EDIL3: variants seen among roughly 807,000 people sequenced by gnomAD.
The protein encoded by EDIL3 is EGF like and discoidin domains 3, also known as EGF-like repeat and discoidin I-like domain-containing protein 3.
In EDIL3, 37 loss-of-function variants were observed where a neutral mutation model predicts 67.4. The ratio of observed to expected loss-of-function variants is 0.55; its 90% CI spans 0.42 to 0.72. The LOEUF (loss-of-function observed/expected upper bound fraction) is 0.72, where lower values mean the gene tolerates loss of function less well. Ranked by LOEUF, EDIL3 falls within the 30% of genes least tolerant of loss-of-function variation. EDIL3 has a pLI of 0.00. For missense variants in EDIL3, 527 were observed against 586.3 expected, an observed-to-expected ratio of 0.90 and a Z score of 1.04; for synonymous variants, 195 against 196.3, an observed-to-expected ratio of 0.99 and a Z score of 0.05.
chr5:83,998,296 C>T (rs941821460), intron 9 of EDIL3, among the ~76,000 whole-genome samples: 1 of 152,180 alleles, frequency 6.6e-6, no homozygotes, highest in African/African-American at 2.4e-5. Flanking sequence ...GCTCTCATTT[C>T]AGGCCCTAGC....
chr5:84,360,188 AG>A (rs1747567766), intron 1 of EDIL3, among the ~76,000 whole-genome samples: 1 of 152,172 alleles, frequency 6.6e-6, no homozygotes, highest in Non-Finnish European at 1.5e-5. Flanking sequence ...GGTTAAAGAA[AG>A]GGGAAAATTA....
intron 3 of EDIL3, among the ~76,000 whole-genome samples, chr5:84,224,599 A>T (rs562678046): frequency 2.0e-5 from 3 of 151,576 alleles, no homozygotes; most frequent in African/African-American, 7.2e-5. Context: ...GTGTTATTTG[A>T]TTTTACCTTT....
chr5:84,365,236 A>C (rs1435879544), intron 1 of EDIL3, among the ~76,000 whole-genome samples: 1 of 152,180 alleles, frequency 6.6e-6, no homozygotes, highest in East Asian at 1.9e-4. Flanking sequence ...AGAAACAACC[A>C]GCCATGAACT....
At chr5:84,278,110 G>T (rs1055009948) in intron 1 of EDIL3, among the ~76,000 whole-genome samples, 5 of 152,088 alleles carry the variant, frequency 3.3e-5, no homozygotes, top group Admixed American at 2.0e-4. Flanking sequence ...AAAGTTAGAC[G>T]CAAACAGACA....
chr5:84,145,862 T>G (rs1748283255), intron 4 of EDIL3, among the ~76,000 whole-genome samples: 1 of 152,090 alleles, frequency 6.6e-6, no homozygotes, highest in African/African-American at 2.4e-5. Context: ...AATTGTCAAT[T>G]GGATGTGATT....
intron 6 of EDIL3, among the ~76,000 whole-genome samples, chr5:84,068,242 T>A (rs1172582204): frequency 6.6e-6 from 1 of 152,210 alleles, no homozygotes; most frequent in Non-Finnish European, 1.5e-5. Context: ...ATTTTCTTTT[T>A]TTTTAATCTG....
rs1034422760 is a variant in EDIL3, at chr5:84,019,502, C to T, written c.1137+40798G>A. Among the ~76,000 whole-genome samples, 5 of 152,034 alleles carry T rather than the reference C, an allele frequency of 3.3e-5. No homozygotes were observed. The South Asian group carries it at 1.0e-3, about 32-fold the overall frequency. Reference sequence around the variant, plus strand: ...GGCACATGTATACATATGTAACAAACCTGCACGTTCTGCACATGTACCCTA... The same window carrying T: ...GGCACATGTATACATATGTAACAAATCTGCACGTTCTGCACATGTACCCTA... On this transcript the variant is annotated intron_variant, in intron 9 of 10. Transcript: ENST00000296591.
At chr5:84,134,594 T>A (rs923016484) in intron 5 of EDIL3, among the ~76,000 whole-genome samples, 3 of 152,190 alleles carry the variant, frequency 2.0e-5, no homozygotes, top group Non-Finnish European at 2.9e-5. Flanking sequence ...TGTGCAAAAC[T>A]AAATCATTAC....
chr5:84,153,375 C>T (rs1748432836), intron 4 of EDIL3, among the ~76,000 whole-genome samples: 1 of 152,156 alleles, frequency 6.6e-6, no homozygotes, highest in South Asian at 2.1e-4. Flanking sequence ...CGGCTCATTG[C>T]AACCTCCGCC....
chr5:84,034,493 C>T (rs913316638), intron 9 of EDIL3, among the ~76,000 whole-genome samples: 2 of 152,132 alleles, frequency 1.3e-5, no homozygotes, highest in Admixed American at 6.6e-5. Context: ...ATCACTATAT[C>T]ACAGTCAACT....
At chr5:84,127,845 C>T (rs1343723176) in intron 5 of EDIL3, among the ~76,000 whole-genome samples, 1 of 152,060 alleles carries the variant, frequency 6.6e-6, no homozygotes, top group Non-Finnish European at 1.5e-5. Context: ...CTAATCTTAT[C>T]ACTTCATCAT....
chr5:84,346,838 T>G (rs1747249654), intron 1 of EDIL3, among the ~76,000 whole-genome samples: 1 of 152,176 alleles, frequency 6.6e-6, no homozygotes, highest in Non-Finnish European at 1.5e-5. Flanking sequence ...CAGGACAGCC[T>G]ATATGAGAAT....
intron 3 of EDIL3, among the ~76,000 whole-genome samples, chr5:84,216,858 G>A (rs1331255130): frequency 6.6e-6 from 1 of 152,148 alleles, no homozygotes; most frequent in Non-Finnish European, 1.5e-5. Flanking sequence ...TGTTGAGTGC[G>A]ATCTTTACAG....
At position 84,354,881 on chromosome 5, in the gene EDIL3, T is replaced by C. The variant is rs138579058; in HGVS notation, c.67+29427A>G. Among the ~76,000 whole-genome samples the C allele has an allele frequency of 2.6e-4, 39 of 152,308 alleles. No individual in the cohort carries two copies. The East Asian group carries it at 7.2e-3, about 28-fold the overall frequency. ...GTATCTGTAGTTTATGTTTGCTTCA[T>C]ATTTTTTAAGCATCTCATTAAAAAT... On this transcript the variant is annotated intron_variant, in intron 1 of 10. Transcript: ENST00000296591.
intron 1 of EDIL3, among the ~76,000 whole-genome samples, chr5:84,297,923 T>C (rs1035769753): frequency 6.6e-6 from 1 of 152,164 alleles, no homozygotes; most frequent in Non-Finnish European, 1.5e-5. Context: ...TTTTATGCCC[T>C]GGGCTTAGAT....
At chr5:84,288,951 A>T (rs1357974072) in intron 1 of EDIL3, among the ~76,000 whole-genome samples, 2 of 152,172 alleles carry the variant, frequency 1.3e-5, no homozygotes, top group Non-Finnish European at 2.9e-5. Flanking sequence ...GTTGAATTAA[A>T]GTTGAATAAA....
intron 5 of EDIL3, among the ~76,000 whole-genome samples, chr5:84,112,273 A>G (rs932988792): frequency 6.6e-5 from 10 of 152,170 alleles, no homozygotes; most frequent in Admixed American, 5.2e-4. Context: ...AAGCTACTAC[A>G]GTTGTCCATG....
chr5:84,282,962 T>C (rs778757040), intron 1 of EDIL3, among the ~76,000 whole-genome samples: 4 of 152,172 alleles, frequency 2.6e-5, no homozygotes, highest in Non-Finnish European at 4.4e-5. Flanking sequence ...CATTTTATCA[T>C]TCGATTTGTT....
rs1368085815 is a variant in EDIL3 at position 84,319,190 on chromosome 5, T to TTTACACTGTTGGTGGGA, written c.68-64979_68-64978insTCCCACCAACAGTGTAA. Among the ~76,000 whole-genome samples the TTTACACTGTTGGTGGGA allele has an allele frequency of 1.6e-3, 196 of 123,880 alleles. 2 individuals carry two copies. Among genetic ancestry groups the TTTACACTGTTGGTGGGA allele is most frequent in the South Asian group, 1.7e-3 (6 of 3,508 alleles). 81.3% of individuals were successfully genotyped at this position (123,880 alleles called of 152,430 possible). On this transcript the variant is annotated intron_variant, in intron 1 of 10. Coordinates refer to ENST00000296591, the MANE Select transcript of EDIL3 (RefSeq NM_005711.5). The stretch of plus-strand genomic sequence containing the variant: ...GAGGATGTGAAGAAATAGGAATGCT[T>TTTACACTGTTGGTGGGA]GGCCGGGCGCGGTGGCTCACGCCTG...
Sources: gnomAD v4.1 joint callset for allele counts (sites outside exome capture counted in the v4.1 genomes callset) on GRCh38, gnomAD v4.1.1 for gene constraint, MANE v1.5 for transcripts, NCBI Gene and HGNC (gene_info 2026-07-23, HGNC 2026-07-21) for gene names.